Variants in PSD3 observed in about 807,000 individuals in gnomAD.
PSD3 encodes PH and SEC7 domain-containing protein 3.
In PSD3, 49 loss-of-function variants were observed where a neutral mutation model predicts 105.5. That is an observed-to-expected ratio of 0.46 (90% CI 0.37 to 0.59). The LOEUF (loss-of-function observed/expected upper bound fraction) is 0.59, where lower values mean the gene tolerates loss of function less well. Ranked by LOEUF, PSD3 falls within the 20% of genes least tolerant of loss-of-function variation. PSD3 has a pLI of 0.00. For synonymous variants in PSD3, 557 were observed against 457.8 expected (o/e 1.22, Z -2.77); for missense variants, 1,561 against 1,263.8 (o/e 1.24, Z -3.57).
At chr8:18,598,507 G>A (rs1804204458) in intron 12 of PSD3, among the ~76,000 whole-genome samples, 1 of 151,664 alleles carries the variant, frequency 6.6e-6, no homozygotes, top group Admixed American at 6.6e-5. Flanking sequence ...ATGAAAATCA[G>A]TCAAAGTGAT....
At position 18,725,148 on chromosome 8, in the gene PSD3, C is replaced by G. The variant is rs529675647; in HGVS notation, c.2172+40301G>C. Among the ~76,000 whole-genome samples, 5 of 152,290 alleles carry G rather than the reference C, an allele frequency of 3.3e-5. No homozygotes were observed. In the East Asian group the frequency reaches 7.7e-4, roughly 24 times the overall value. On this transcript the variant is annotated intron_variant, in intron 9 of 15. Coordinates refer to ENST00000327040, the MANE Select transcript of PSD3 (RefSeq NM_015310.4). ...ATCATATTTCCTATGTAACCCATGCCTGGAGTAAGCCTCTACTCCAATCCA... is the reference window on the plus strand; with the variant it reads ...ATCATATTTCCTATGTAACCCATGCGTGGAGTAAGCCTCTACTCCAATCCA...
chr8:18,611,865 C>T lies in PSD3; in HGVS notation c.2411-11431G>A, dbSNP rs1273611989. Among the ~76,000 whole-genome samples the T allele has an allele frequency of 2.0e-5, 3 of 152,150 alleles. No individual in the cohort carries two copies. In the East Asian group the frequency reaches 5.8e-4, roughly 29 times the overall value. On this transcript the variant is annotated intron_variant, in intron 11 of 15. Transcript: ENST00000327040. ...ATAGATTAGCCTTTTTCCTTATCTA[C>T]ACTGTTTTGTAAAATGTTGCAAATG...
chr8:19,010,227 C>T (rs1201631675), intron 1 of PSD3, among the ~76,000 whole-genome samples: 1 of 152,028 alleles, frequency 6.6e-6, no homozygotes, highest in African/African-American at 2.4e-5. Flanking sequence ...GAAGAGCGGG[C>T]GGATCCCTCA....
At chr8:19,045,954 A>G (rs1382029238) in intron 1 of PSD3, among the ~76,000 whole-genome samples, 2 of 152,228 alleles carry the variant, frequency 1.3e-5, no homozygotes, top group African/African-American at 4.8e-5. Flanking sequence ...CTTTCTGGCT[A>G]TAACCATCAT....
At chr8:18,991,369 C>CAT (rs148053010) in intron 1 of PSD3, among the ~76,000 whole-genome samples, 11,083 of 52,858 alleles carry the variant, frequency 0.21, 969 homozygotes, top group African/African-American at 0.37. Context: ...CACACACACA[C>CAT]ACATACACAC....
chr8:18,551,751 G>A (rs1800780557), intron 15 of PSD3, among the ~76,000 whole-genome samples: 2 of 152,280 alleles, frequency 1.3e-5, no homozygotes, highest in African/African-American at 4.8e-5. Context: ...CATGAGGGAA[G>A]TGGACATTCT....
intron 1 of PSD3, among the ~76,000 whole-genome samples, chr8:18,990,376 G>A (rs533297724): frequency 6.6e-6 from 1 of 151,898 alleles, no homozygotes. Context: ...ACTTGGCTCC[G>A]CCGCCTGGCC....
chr8:18,675,129 G>A (rs538652475), intron 9 of PSD3, among the ~76,000 whole-genome samples: 13 of 152,230 alleles, frequency 8.5e-5, no homozygotes, highest in Non-Finnish European at 1.2e-4. Flanking sequence ...GTATCTGTAC[G>A]TCTAGTTAGG....
At chr8:18,972,826 G>T (rs1824728910) in intron 1 of PSD3, among the ~76,000 whole-genome samples, 1 of 152,204 alleles carries the variant, frequency 6.6e-6, no homozygotes, top group Non-Finnish European at 1.5e-5. Context: ...GCTACGCTGT[G>T]TATGATAATT....
chr8:18,765,642 C>G (rs1806918778), intron 8 of PSD3, 104 bp from the exon 9 acceptor site: 1 of 1,038,458 alleles, frequency 9.6e-7, no homozygotes, highest in East Asian at 2.4e-5. Context: ...AAAAACATAA[C>G]TAGGCCAGGT....
At chr8:18,758,822 A>G (rs1336887763) in intron 9 of PSD3, among the ~76,000 whole-genome samples, 1 of 152,164 alleles carries the variant, frequency 6.6e-6, no homozygotes, top group African/African-American at 2.4e-5. Context: ...AGCTGACAAG[A>G]TAGGTTAAAA....
At chr8:18,858,485 G>A (rs1244383762) in intron 4 of PSD3, among the ~76,000 whole-genome samples, 1 of 152,066 alleles carries the variant, frequency 6.6e-6, no homozygotes, top group Non-Finnish European at 1.5e-5. Flanking sequence ...TGCATCAATG[G>A]ACTCTTCTTT....
chr8:18,592,990 T>C (rs1035773058), intron 12 of PSD3, among the ~76,000 whole-genome samples: 1 of 152,210 alleles, frequency 6.6e-6, no homozygotes, highest in Non-Finnish European at 1.5e-5. Context: ...GATTAAAGAC[T>C]TACATGTTAG....
intron 8 of PSD3, chr8:18,786,976 T>C (rs374460199): frequency 6.6e-5 from 10 of 152,340 alleles, no homozygotes; most frequent in African/African-American, 2.4e-4. Flanking sequence ...AATGAAGTCT[T>C]TGTCATCAAG....
chr8:18,986,512 A>G (rs1825502388), intron 1 of PSD3, among the ~76,000 whole-genome samples: 1 of 151,286 alleles, frequency 6.6e-6, no homozygotes, highest in Non-Finnish European at 1.5e-5. Flanking sequence ...TTCACTACAC[A>G]TTCTCAGGAA....
At chr8:18,634,183 G>A (rs1266067869) in intron 10 of PSD3, among the ~76,000 whole-genome samples, 1 of 151,952 alleles carries the variant, frequency 6.6e-6, no homozygotes, top group African/African-American at 2.4e-5. Context: ...TTAACAGTTT[G>A]CAAATAACCA....
chr8:18,920,004 AAAAT>A (rs1820898454), intron 2 of PSD3, among the ~76,000 whole-genome samples: 1 of 148,902 alleles, frequency 6.7e-6, no homozygotes, highest in South Asian at 2.1e-4. Flanking sequence ...GTATAATAAA[AAAAT>A]AAATAAATTA....
rs979224528 is a variant in PSD3, at chr8:18,572,675, A to G, written c.2640-3T>C. The G allele has an allele frequency of 1.5e-5, 25 of 1,613,696 alleles. No homozygotes were observed. Among genetic ancestry groups the G allele is most frequent in the Middle Eastern group, 1.7e-4 (1 of 6,058 alleles). ...ACCCTTGCATTTCCTCTGGGCTCCT[A>G]TGAGAAATAGATATGTTTATATCAG... On this transcript the variant is annotated splice_polypyrimidine_tract_variant and splice_region_variant and intron_variant, in intron 13 of 15. Coordinates refer to ENST00000327040, the MANE Select transcript of PSD3 (RefSeq NM_015310.4).
At chr8:18,902,702 G>C (rs1819585885) in intron 2 of PSD3, among the ~76,000 whole-genome samples, 1 of 152,158 alleles carries the variant, frequency 6.6e-6, no homozygotes, top group Non-Finnish European at 1.5e-5. Flanking sequence ...TACTGTGCTG[G>C]TTGGAAAGAA....
Sources: gnomAD v4.1 joint callset for allele counts (sites outside exome capture counted in the v4.1 genomes callset) on GRCh38, gnomAD v4.1.1 for gene constraint, MANE v1.5 for transcripts, NCBI Gene and HGNC (gene_info 2026-07-23, HGNC 2026-07-21) for gene names.